ANKRD1: variants seen among roughly 807,000 people sequenced by gnomAD.
ANKRD1 encodes ankyrin repeat domain 1, also known as ankyrin repeat domain-containing protein 1.
A neutral mutation model predicts 40.1 loss-of-function variants in ANKRD1; 32 were observed. That is an observed-to-expected ratio of 0.80 (90% CI 0.60 to 1.07). The LOEUF (loss-of-function observed/expected upper bound fraction) is 1.07. Among genes scored for constraint, ANKRD1 ranks in the 50% least tolerant of loss-of-function variants. The pLI, the probability that ANKRD1 is intolerant of heterozygous loss-of-function variation, is 0.00. For missense variants in ANKRD1, 359 were observed against 386.0 expected (o/e 0.93, Z 0.59); for synonymous variants, 149 against 141.2 (o/e 1.06, Z -0.39).
At chr10:90,914,261 G>C (rs1193178402) in intron 8 of ANKRD1, among the ~76,000 whole-genome samples, 1 of 152,090 alleles carries the variant, frequency 6.6e-6, no homozygotes, top group East Asian at 1.9e-4. Flanking sequence ...CCATAAACCT[G>C]ATGCTAATAT....
chr10:90,917,624 C>T, intron 5 of ANKRD1, 108 bp downstream of exon 5: 2 of 939,492 alleles, frequency 2.1e-6, no homozygotes, highest in South Asian at 2.8e-5. Flanking sequence ...GCCTAGTTCT[C>T]TCAGATCAAT....
intron 5 of ANKRD1, 107 bp downstream of exon 5, chr10:90,917,625 T>C (rs1847385825): frequency 1.1e-6 from 1 of 943,244 alleles, no homozygotes; most frequent in Non-Finnish European, 1.7e-6. Context: ...CCTAGTTCTC[T>C]CAGATCAATT....
chr10:90,913,036 T>G lies in ANKRD1; in HGVS notation c.850-60A>C. The G allele has an allele frequency of 2.1e-6, 3 of 1,439,606 alleles. No homozygotes were observed. In the South Asian group the frequency reaches 3.4e-5, roughly 16 times the overall value. The allele number at this position is 1,439,606 out of a possible 1,614,324, so 89.2% of individuals were successfully genotyped here. On this transcript the variant is annotated intron_variant, in intron 8 of 8. Coordinates refer to ENST00000371697, the MANE Select transcript of ANKRD1 (RefSeq NM_014391.3). The stretch of plus-strand genomic sequence containing the variant: ...GTGGGTGACATCTGTAAATTCACAT[T>G]CTCTGTGTGTGTTTCATGAGGTAAG...
At position 90,919,806 on chromosome 10, in the gene ANKRD1, C is replaced by T. The variant is rs527534518; in HGVS notation, c.207+363G>A. On this transcript the variant is annotated intron_variant, in intron 2 of 8. Transcript: ENST00000371697. The stretch of plus-strand genomic sequence containing the variant: ...CCCAGAAACACAGATTGTGTCAACA[C>T]AGATAGCAGACAGTTAAACAATGAT... Among the ~76,000 whole-genome samples, 387 of 152,278 alleles carry T rather than the reference C, an allele frequency of 2.5e-3. 2 individuals carry two copies. The highest frequency in any genetic ancestry group is 4.2e-3 in the Non-Finnish European group (283 of 68,024).
Position 90,912,923 on chromosome 10 carries a change from T to C in ANKRD1, c.903A>G (p.Ala301=), listed in dbSNP as rs534524638. 2.5e-6 allele frequency: 4 copies of C among 1,614,124 alleles called. No individual in the cohort carries two copies. Among genetic ancestry groups the C allele is most frequent in the South Asian group, 2.2e-5 (2 of 91,082 alleles). The change falls in exon 9 of 9, where the codon GCA becomes GCG. Residue 301 remains alanine, a synonymous_variant. Transcript: ENST00000371697. ...AGTTCTCTCTGAGGCTGTCGAATATTGCTTTGGTTCCATTCTGCCAGTGTA... is the reference window on the plus strand; with the variant it reads ...AGTTCTCTCTGAGGCTGTCGAATATCGCTTTGGTTCCATTCTGCCAGTGTA... The part of the protein sequence containing the change: ...LVLHWQNGTK[A]IFDSLRENSY...
At chr10:90,915,476 C>G in intron 8 of ANKRD1, 67 bp downstream of exon 8, 1 of 1,405,266 alleles carries the variant, frequency 7.1e-7, no homozygotes, top group Non-Finnish European at 1.0e-6. Flanking sequence ...AGTCGTTTCA[C>G]CTATTTAAGA....
intron 1 of ANKRD1, 107 bp from the exon 2 acceptor site, chr10:90,920,455 C>G: frequency 8.1e-7 from 1 of 1,229,938 alleles, no homozygotes. Flanking sequence ...TGGGAACAGC[C>G]ACCTTTGAGC....
Position 90,919,266 on chromosome 10 carries a change from G to C in ANKRD1, c.210C>G (p.Leu70=). Residue 70 remains leucine, a splice_region_variant and synonymous_variant, in exon 3 of 9, where the codon CTC becomes CTG. Coordinates refer to ENST00000371697, the MANE Select transcript of ANKRD1 (RefSeq NM_014391.3). ...ATCTTTGTTCTAGTTTTTTCTTTTT[G>C]AGCTAAAAAAGAAATTCGTATTTCA... ...WKSEKQREAE[L]KKKKLEQRSK... 1 of 1,600,804 alleles carries C rather than the reference G, an allele frequency of 6.2e-7. No homozygotes were observed. Among genetic ancestry groups the C allele is most frequent in the East Asian group, 2.2e-5 (1 of 44,626 alleles).
At chr10:90,914,143 A>G (rs1440044150) in intron 8 of ANKRD1, among the ~76,000 whole-genome samples, 2 of 152,186 alleles carry the variant, frequency 1.3e-5, no homozygotes, top group Admixed American at 1.3e-4. Flanking sequence ...ACAGTTTTGG[A>G]TAATGAGAAA....
At chr10:90,920,874 C>T in intron 1 of ANKRD1, 127 bp downstream of exon 1, 1 of 903,370 alleles carries the variant, frequency 1.1e-6, no homozygotes, top group South Asian at 1.5e-5. Context: ...TCACATCAAC[C>T]TTTTTCCATA....
At chr10:90,916,295 A>T (rs1314204734) in intron 5 of ANKRD1, 26 bp from the exon 6 acceptor site, 2 of 1,549,222 alleles carry the variant, frequency 1.3e-6, no homozygotes, top group Non-Finnish European at 1.8e-6. Flanking sequence ...AGACCCGACA[A>T]TGTGAAGGAG....
chr10:90,912,979 A>C lies in ANKRD1; in HGVS notation c.850-3T>G. 1 of 1,613,734 alleles carries C rather than the reference A, an allele frequency of 6.2e-7. No homozygotes were observed. Among genetic ancestry groups the C allele is most frequent in the Non-Finnish European group, 8.5e-7 (1 of 1,179,620 alleles). On this transcript the variant is annotated splice_polypyrimidine_tract_variant and splice_region_variant and intron_variant, in intron 8 of 8. Coordinates refer to ENST00000371697, the MANE Select transcript of ANKRD1 (RefSeq NM_014391.3). ...AGATCCATCGGCGTCTTCCCAGCCT[A>C]ATCAAATGAGATAAGGAAAGTTGAC... is the stretch of plus-strand genomic sequence containing the variant.
chr10:90,915,729 C>G (rs1361809671), intron 7 of ANKRD1, 53 bp downstream of exon 7: 13 of 1,611,996 alleles, frequency 8.1e-6, no homozygotes, highest in Non-Finnish European at 1.1e-5. Context: ...GGAGTGATTC[C>G]AAATACAAAA....
Position 90,919,171 on chromosome 10 carries a change from GT to G in ANKRD1, c.304del (p.Thr102LeufsTer6). The G allele has an allele frequency of 6.2e-7, 1 of 1,612,468 alleles. No individual in the cohort carries two copies. ...TGGTTCCTTTACAACTGGAACTTTA[GT>G]TTTCCTGTATTTTTTCCTTTTCTTC... is the stretch of plus-strand genomic sequence containing the variant. ...QLKKRKKYRK[T>X]KVPVVKEPEP... On this transcript the variant is annotated frameshift_variant, in exon 3 of 9. Coordinates refer to ENST00000371697, the MANE Select transcript of ANKRD1 (RefSeq NM_014391.3). LOFTEE classifies it high-confidence loss of function.
intron 1 of ANKRD1, among the ~76,000 whole-genome samples, chr10:90,920,759 T>A (rs572532503): frequency 2.4e-4 from 36 of 152,286 alleles, no homozygotes; most frequent in African/African-American, 7.7e-4. Flanking sequence ...TACACGTGAT[T>A]CCACACTGTA....
Position 90,912,400 on chromosome 10 carries a change from C to G in ANKRD1, c.*466G>C, listed in dbSNP as rs1847325245. On this transcript the variant is annotated 3_prime_UTR_variant, in exon 9 of 9. Coordinates refer to ENST00000371697, the MANE Select transcript of ANKRD1 (RefSeq NM_014391.3). ...TCCTTCCATTGTTTCCTTTCCTGTCCCTACATGCCTTCCCTTGCTTCATTC... is the reference window on the plus strand; with the variant it reads ...TCCTTCCATTGTTTCCTTTCCTGTCGCTACATGCCTTCCCTTGCTTCATTC... 1 of 160,748 alleles carries G rather than the reference C, an allele frequency of 6.2e-6. No individual in the cohort carries two copies. Among genetic ancestry groups the G allele is most frequent in the South Asian group, 1.7e-4 (1 of 5,864 alleles). The allele number at this position is 160,748 out of a possible 1,614,324, so 10.0% of individuals were successfully genotyped here. A position where few individuals can be genotyped will look rare whatever the true frequency, so the allele number is the denominator to read the frequency against.
chr10:90,914,628 A>G (rs1329979382), intron 8 of ANKRD1, among the ~76,000 whole-genome samples: 1 of 151,798 alleles, frequency 6.6e-6, no homozygotes, highest in African/African-American at 2.4e-5. Flanking sequence ...ACCAAGCCAG[A>G]TTTGTTTTAA....
Position 90,920,418 on chromosome 10 carries a change from C to A in ANKRD1, c.28-70G>T, listed in dbSNP as rs913851039. On this transcript the variant is annotated intron_variant, in intron 1 of 8. Coordinates refer to ENST00000371697, the MANE Select transcript of ANKRD1 (RefSeq NM_014391.3). ...CTGGGTCATTCTTCACAGACAATGC[C>A]GCAGGAGGCTCTTGGTCCTTCTCCC... is the stretch of plus-strand genomic sequence containing the variant. 9 of 1,578,260 alleles carry A rather than the reference C, an allele frequency of 5.7e-6. No individual in the cohort carries two copies. In the Admixed American group the frequency reaches 1.0e-4, roughly 18 times the overall value.
intron 3 of ANKRD1, 45 bp from the exon 4 acceptor site, chr10:90,919,017 G>A: frequency 7.0e-7 from 1 of 1,425,520 alleles, no homozygotes; most frequent in Non-Finnish European, 9.5e-7. Context: ...TATATATATA[G>A]CATGAGAGTT....
Sources: gnomAD v4.1 joint callset for allele counts (sites outside exome capture counted in the v4.1 genomes callset) on GRCh38, gnomAD v4.1.1 for gene constraint, MANE v1.5 for transcripts, NCBI Gene and HGNC (gene_info 2026-07-23, HGNC 2026-07-21) for gene names.